Variants in PIK3CB observed in about 807,000 individuals in gnomAD.
PIK3CB encodes phosphatidylinositol 4,5-bisphosphate 3-kinase catalytic subunit beta isoform.
Under a neutral mutation model 136.8 loss-of-function variants are expected in PIK3CB, and 39 were observed. The observed-to-expected ratio is 0.29, with a 90% CI of 0.22 to 0.37. PIK3CB has a LOEUF of 0.37. Ranked by LOEUF, PIK3CB falls within the 10% of genes least tolerant of loss-of-function variation. PIK3CB has a pLI of 1.00. For missense variants in PIK3CB, 868 were observed against 1,275.4 expected, an observed-to-expected ratio of 0.68 and a Z score of 4.87; for synonymous variants, 428 against 436.6, an observed-to-expected ratio of 0.98 and a Z score of 0.25.
chr3:138,654,606 G>A lies in PIK3CB; in HGVS notation c.*783C>T, dbSNP rs2043161990. 1 of 227,154 alleles carries A rather than the reference G, an allele frequency of 4.4e-6. No homozygotes were observed. Among genetic ancestry groups the A allele is most frequent in the Non-Finnish European group, 8.7e-6 (1 of 114,386 alleles). 14.1% of individuals were successfully genotyped at this position (227,154 alleles called of 1,614,324 possible). ...TATGTGCCTCATTATAGAAGCAGCT[G>A]GAAGAACTGGATCACACAGTTACCT... is the stretch of plus-strand genomic sequence containing the variant. On this transcript the variant is annotated 3_prime_UTR_variant, in exon 24 of 24. Coordinates refer to ENST00000674063, the MANE Select transcript of PIK3CB (RefSeq NM_006219.3).
intron 19 of PIK3CB, among the ~76,000 whole-genome samples, chr3:138,681,041 G>GTTTTTTTTTT (rs533702208): frequency 7.9e-6 from 1 of 127,328 alleles, no homozygotes; most frequent in Non-Finnish European, 1.6e-5. Flanking sequence ...TTTCATGTTA[G>GTTTTTTTTTT]TTTTTTTTTT....
chr3:138,764,121 A>AG (rs1490867360), intron 2 of PIK3CB, among the ~76,000 whole-genome samples: 3 of 151,306 alleles, frequency 2.0e-5, no homozygotes, highest in Non-Finnish European at 2.9e-5. Flanking sequence ...CAAAAAAAAA[A>AG]AAAAAAAATT....
chr3:138,728,099 A>G (rs1262162045), intron 8 of PIK3CB, among the ~76,000 whole-genome samples: 1 of 152,224 alleles, frequency 6.6e-6, no homozygotes, highest in Non-Finnish European at 1.5e-5. Context: ...GGCATGAGCC[A>G]CGACTCCTGG....
intron 1 of PIK3CB, chr3:138,825,458 A>T: frequency 1.4e-6 from 1 of 701,014 alleles, no homozygotes; most frequent in African/African-American, 1.7e-5. Flanking sequence ...GAAATCATTA[A>T]GGAAGTCAGC....
chr3:138,802,584 T>C (rs1195698023), intron 1 of PIK3CB, among the ~76,000 whole-genome samples: 1 of 152,032 alleles, frequency 6.6e-6, no homozygotes, highest in Non-Finnish European at 1.5e-5. Flanking sequence ...GCAAATAGTA[T>C]TGTTACTTTA....
At chr3:138,688,739 G>T in intron 16 of PIK3CB, 136 bp downstream of exon 16, 1 of 564,574 alleles carries the variant, frequency 1.8e-6, no homozygotes. Flanking sequence ...TAATGTGGTG[G>T]GAGAAATGGC....
intron 1 of PIK3CB, among the ~76,000 whole-genome samples, chr3:138,802,588 T>C (rs1249071938): frequency 6.6e-6 from 1 of 152,052 alleles, no homozygotes; most frequent in East Asian, 1.9e-4. Context: ...ATAGTATTGT[T>C]ACTTTAAAAA....
At chr3:138,728,412 T>C (rs527796753) in intron 8 of PIK3CB, among the ~76,000 whole-genome samples, 1 of 152,238 alleles carries the variant, frequency 6.6e-6, no homozygotes, top group African/African-American at 2.4e-5. Flanking sequence ...AATTTAATAA[T>C]GTATAAAAAG....
At chr3:138,694,261 T>C (rs1413750370) in intron 14 of PIK3CB, among the ~76,000 whole-genome samples, 1 of 151,956 alleles carries the variant, frequency 6.6e-6, no homozygotes, top group Non-Finnish European at 1.5e-5. Context: ...AGAAATCTGG[T>C]ACATGCTAGG....
At chr3:138,710,096 G>A (rs553593846) in intron 10 of PIK3CB, among the ~76,000 whole-genome samples, 40 of 152,092 alleles carry the variant, frequency 2.6e-4, no homozygotes, top group Middle Eastern at 3.4e-3. Flanking sequence ...GGCTGAGGAG[G>A]GAGGCTGAGC....
At chr3:138,791,454 T>C (rs538159254) in intron 2 of PIK3CB, among the ~76,000 whole-genome samples, 5 of 152,268 alleles carry the variant, frequency 3.3e-5, no homozygotes, top group Admixed American at 6.5e-5. Flanking sequence ...TTCTTCAGCC[T>C]GAAGTTACAC....
At chr3:138,719,984 A>G (rs1354354011) in intron 8 of PIK3CB, among the ~76,000 whole-genome samples, 1 of 151,534 alleles carries the variant, frequency 6.6e-6, no homozygotes, top group African/African-American at 2.4e-5. Context: ...GCTAGGCTAG[A>G]AAAAAAAAGC....
chr3:138,660,070 A>G (rs1454210291), intron 21 of PIK3CB, among the ~76,000 whole-genome samples: 7 of 150,890 alleles, frequency 4.6e-5, no homozygotes, highest in Non-Finnish European at 4.4e-5. Context: ...TCTATTTATC[A>G]TATTTTTTGG....
intron 3 of PIK3CB, among the ~76,000 whole-genome samples, chr3:138,757,611 G>A (rs1158813013): frequency 2.1e-5 from 3 of 141,528 alleles, no homozygotes; most frequent in African/African-American, 5.2e-5. Flanking sequence ...AAGGAAGGAA[G>A]AAGGGAGGGA....
intron 3 of PIK3CB, among the ~76,000 whole-genome samples, chr3:138,757,147 T>C (rs1269578798): frequency 6.6e-6 from 1 of 152,146 alleles, no homozygotes; most frequent in Non-Finnish European, 1.5e-5. Context: ...GGCTCACACC[T>C]GTAATCCCAG....
At chr3:138,729,099 G>GC in intron 8 of PIK3CB, among the ~76,000 whole-genome samples, 1 of 152,126 alleles carries the variant, frequency 6.6e-6, no homozygotes, top group Non-Finnish European at 1.5e-5. Context: ...TGGCCAACAT[G>GC]GCGAAACCCT....
At chr3:138,657,530 C>T in intron 22 of PIK3CB, 160 bp downstream of exon 22, 1 of 578,368 alleles carries the variant, frequency 1.7e-6, no homozygotes, top group South Asian at 2.3e-5. Flanking sequence ...AATTTCTGAA[C>T]CAGCACAATA....
intron 15 of PIK3CB, among the ~76,000 whole-genome samples, chr3:138,690,182 G>A (rs2043977496): frequency 6.6e-6 from 1 of 150,570 alleles, no homozygotes; most frequent in Non-Finnish European, 1.5e-5. Context: ...CTAAAATTAA[G>A]AGCACAACAT....
chr3:138,745,268 G>A (rs1382785762), intron 4 of PIK3CB, among the ~76,000 whole-genome samples: 1 of 152,118 alleles, frequency 6.6e-6, no homozygotes, highest in African/African-American at 2.4e-5. Flanking sequence ...GGCTTTCAGT[G>A]TTGAACTCAG....
Sources: gnomAD v4.1 joint callset for allele counts (sites outside exome capture counted in the v4.1 genomes callset) on GRCh38, gnomAD v4.1.1 for gene constraint, MANE v1.5 for transcripts, NCBI Gene and HGNC (gene_info 2026-07-23, HGNC 2026-07-21) for gene names.